Variants in MAP3K2 observed in about 807,000 individuals in gnomAD.
MAP3K2 encodes mitogen-activated protein kinase kinase kinase 2.
MAP3K2 carries 24 observed loss-of-function variants against 80.3 expected under a neutral mutation model. That is an observed-to-expected ratio of 0.30 (90% confidence interval 0.22 to 0.42). The LOEUF (loss-of-function observed/expected upper bound fraction) is 0.42, where lower values mean the gene tolerates loss of function less well. Ranked by LOEUF, MAP3K2 falls within the 10% of genes least tolerant of loss-of-function variation. The probability of loss-of-function intolerance (pLI) is 1.00; values close to 1 mark genes in which losing one functional copy is unlikely to be tolerated. For synonymous variants in MAP3K2, 244 were observed against 253.7 expected (o/e 0.96, Z 0.36); for missense variants, 608 against 750.1 (o/e 0.81, Z 2.21).
intron 2 of MAP3K2, among the ~76,000 whole-genome samples, chr2:127,342,558 T>A (rs1055647015): frequency 8.5e-5 from 13 of 152,142 alleles, no homozygotes; most frequent in African/African-American, 2.9e-4. Flanking sequence ...TTTTCTTGAT[T>A]TAGGATAGGG....
chr2:127,329,908 A>G lies in MAP3K2; in HGVS notation c.466+13T>C, dbSNP rs1402150855. 5 of 1,431,360 alleles carry G rather than the reference A, an allele frequency of 3.5e-6. No homozygotes were observed. In the African/African-American group the frequency reaches 7.0e-5, roughly 20 times the overall value. 88.7% of individuals were successfully genotyped at this position (1,431,360 alleles called of 1,614,324 possible). On this transcript the variant is annotated intron_variant, in intron 7 of 16. Transcript: ENST00000682094. ...AAATCATTCATTTCATAATTCAGAC[A>G]CTAGTTTCTTACCTATTATAGATAG...
At chr2:127,370,910 G>GC (rs1014468751) in intron 1 of MAP3K2, among the ~76,000 whole-genome samples, 2 of 152,142 alleles carry the variant, frequency 1.3e-5, no homozygotes, top group African/African-American at 4.8e-5. Flanking sequence ...TTTTGCCTGA[G>GC]CCCCCTCCTC....
chr2:127,381,765 G>A (rs1687249197), intron 1 of MAP3K2, among the ~76,000 whole-genome samples: 2 of 152,160 alleles, frequency 1.3e-5, no homozygotes, highest in Non-Finnish European at 1.5e-5. Flanking sequence ...CACAGTGTAC[G>A]TCTCCTAATG....
rs530667340 is a variant in MAP3K2 at position 127,305,324 on chromosome 2, G to A, written c.*2255C>T. On this transcript the variant is annotated 3_prime_UTR_variant, in exon 17 of 17. Transcript: ENST00000682094. ...AATTATAATAGATCCACACACTTGGGGATTCTTTCTAGAACAAAATTTGGC... is the reference window on the plus strand; with the variant it reads ...AATTATAATAGATCCACACACTTGGAGATTCTTTCTAGAACAAAATTTGGC... The A allele has an allele frequency of 2.6e-5, 4 of 152,296 alleles. No individual in the cohort carries two copies. In the South Asian group the frequency reaches 8.3e-4, roughly 32 times the overall value. 9.4% of individuals were successfully genotyped at this position (152,296 alleles called of 1,614,324 possible). A position where few individuals can be genotyped will look rare whatever the true frequency, so the allele number is the denominator to read the frequency against.
Position 127,380,868 on chromosome 2 carries a change from G to C in MAP3K2, c.-66+6584C>G, listed in dbSNP as rs547721738. Among the ~76,000 whole-genome samples the C allele has an allele frequency of 6.6e-5, 10 of 152,164 alleles. No individual in the cohort carries two copies. The South Asian group carries it at 1.9e-3, about 28-fold the overall frequency. On this transcript the variant is annotated intron_variant, in intron 1 of 16. Coordinates refer to ENST00000682094, the MANE Select transcript of MAP3K2 (RefSeq NM_001371910.2). ...GAGAATAAGAGGAAAGGTTTTTTAAGTTCAATTTTGTATTACATACATTTG... is the reference window on the plus strand; with the variant it reads ...GAGAATAAGAGGAAAGGTTTTTTAACTTCAATTTTGTATTACATACATTTG...
intron 1 of MAP3K2, among the ~76,000 whole-genome samples, chr2:127,372,629 C>T (rs1189558319): frequency 6.6e-6 from 1 of 152,120 alleles, no homozygotes; most frequent in East Asian, 1.9e-4. Flanking sequence ...CCCTGTTAAC[C>T]TTTGGGGACG....
At chr2:127,308,232 A>G (rs1459931244) in intron 16 of MAP3K2, among the ~76,000 whole-genome samples, 1 of 152,226 alleles carries the variant, frequency 6.6e-6, no homozygotes, top group African/African-American at 2.4e-5. Context: ...TAAAAGAATT[A>G]AAGATTAAAT....
At chr2:127,320,023 C>G (rs190843588) in intron 12 of MAP3K2, among the ~76,000 whole-genome samples, 33 of 152,288 alleles carry the variant, frequency 2.2e-4, no homozygotes, top group East Asian at 1.5e-3. Context: ...CAGTAACGGC[C>G]TAGCAGAAGA....
intron 12 of MAP3K2, among the ~76,000 whole-genome samples, 174 bp from the exon 13 acceptor site, chr2:127,318,491 C>T (rs1685952024): frequency 6.6e-6 from 1 of 152,204 alleles, no homozygotes; most frequent in African/African-American, 2.4e-5. Flanking sequence ...TCTCTTTCGT[C>T]AATTTTCTAC....
intron 14 of MAP3K2, 78 bp downstream of exon 14, chr2:127,317,551 C>T (rs1463950925): frequency 7.2e-6 from 9 of 1,247,182 alleles, no homozygotes; most frequent in Non-Finnish European, 9.8e-6. Flanking sequence ...ATTTTATAAT[C>T]TACGTTTTTG....
intron 8 of MAP3K2, 89 bp downstream of exon 8, chr2:127,326,598 T>TAC (rs1167063823): frequency 3.6e-5 from 32 of 895,796 alleles, no homozygotes; most frequent in South Asian, 8.4e-5. Flanking sequence ...GAAGAGATAA[T>TAC]ACACACACAC....
chr2:127,382,189 G>A lies in MAP3K2; in HGVS notation c.-66+5263C>T, dbSNP rs1446409082. Among the ~76,000 whole-genome samples the A allele has an allele frequency of 2.0e-5, 3 of 152,168 alleles. No individual in the cohort carries two copies. The South Asian group carries it at 6.2e-4, about 32-fold the overall frequency. On this transcript the variant is annotated intron_variant, in intron 1 of 16. Transcript: ENST00000682094. ...TGGATATATATTAGAGTATATGAAA[G>A]AAGTATCGCACCTAAGAAAAGTAAC... is the stretch of plus-strand genomic sequence containing the variant.
Position 127,322,159 on chromosome 2 carries a change from CT to C in MAP3K2, c.931del (p.Ser311ValfsTer16). 6.2e-7 allele frequency: 1 copy of C among 1,613,896 alleles called. No homozygotes were observed. Among genetic ancestry groups the C allele is most frequent in the Non-Finnish European group, 8.5e-7 (1 of 1,179,798 alleles). On this transcript the variant is annotated frameshift_variant, in exon 12 of 17. Transcript: ENST00000682094. LOFTEE classifies it high-confidence loss of function. This position sits in a 1 kb window ranked among gnomAD's most constrained non-coding sequence, Gnocchi z 4.2. Reference protein sequence around the residue: ...FSPTDHSLSTSSGSSIFTPEY... With the variant: ...FSPTDHSLSTXSGSSIFTPEY... ...TGGGGTAAAGATACTGCTTCCACTA[CT>C]AGTGCTTAAGGAATGATCAGTAGGA...
At chr2:127,330,266 TG>T in intron 6 of MAP3K2, 125 bp downstream of exon 6, 1 of 596,068 alleles carries the variant, frequency 1.7e-6, no homozygotes. Context: ...AATTAAAGGA[TG>T]TAAGTTTACA....
In MAP3K2 at chr2:127,387,749, G is replaced by A. The variant is rs1050892147; in HGVS notation, c.-363C>T. ...GCCGCTGCAACCCCGAGGCCCGCGG[G>A]AACTGGGCAGGAAAGGAGGAAGCCG... On this transcript the variant is annotated 5_prime_UTR_variant, in exon 1 of 17. Coordinates refer to ENST00000682094, the MANE Select transcript of MAP3K2 (RefSeq NM_001371910.2). 2.0e-6 allele frequency: 2 copies of A among 984,872 alleles called. No homozygotes were observed. The highest frequency in any genetic ancestry group is 1.7e-5 in the African/African-American group (1 of 57,170). 61.0% of individuals were successfully genotyped at this position (984,872 alleles called of 1,614,324 possible). A position where few individuals can be genotyped will look rare whatever the true frequency, so the allele number is the denominator to read the frequency against.
In MAP3K2 at chr2:127,300,071, T is replaced by A. The variant is rs1162741530; in HGVS notation, c.*7508A>T. 1 of 152,112 alleles carries A rather than the reference T, an allele frequency of 6.6e-6. No homozygotes were observed. The highest frequency in any genetic ancestry group is 2.4e-5 in the African/African-American group (1 of 41,446). The allele number at this position is 152,112 out of a possible 1,614,324, so 9.4% of individuals were successfully genotyped here. A position where few individuals can be genotyped will look rare whatever the true frequency, so the allele number is the denominator to read the frequency against. Reference sequence around the variant, plus strand: ...TTCTATTAATGTCGAACTCCTGAGTTCTTCAACAAAGAACCATAGATAAGT... The same window carrying A: ...TTCTATTAATGTCGAACTCCTGAGTACTTCAACAAAGAACCATAGATAAGT... On this transcript the variant is annotated 3_prime_UTR_variant, in exon 17 of 17. Transcript: ENST00000682094.
chr2:127,337,311 A>C (rs1034293279), intron 4 of MAP3K2, among the ~76,000 whole-genome samples: 10 of 152,158 alleles, frequency 6.6e-5, no homozygotes, highest in Non-Finnish European at 1.2e-4. Flanking sequence ...TTTCCTCAAC[A>C]TTACTAATGA....
intron 1 of MAP3K2, among the ~76,000 whole-genome samples, chr2:127,368,259 C>T (rs1022293153): frequency 2.6e-5 from 4 of 150,958 alleles, no homozygotes; most frequent in African/African-American, 9.8e-5. Flanking sequence ...AAGGCAGAGG[C>T]TGCAGTGAGC....
chr2:127,375,297 C>T lies in MAP3K2; in HGVS notation c.-66+12155G>A, dbSNP rs146968625. Among the ~76,000 whole-genome samples, 360 of 152,244 alleles carry T rather than the reference C, an allele frequency of 2.4e-3. 1 individual carries two copies. Among genetic ancestry groups the T allele is most frequent in the African/African-American group, 7.8e-3 (324 of 41,530 alleles). ...TGGCTTCATCAGACAACACAGGCCC[C>T]GGACAGGATGCTCAAGAAGACAAGT... On this transcript the variant is annotated intron_variant, in intron 1 of 16. Transcript: ENST00000682094.
Sources: gnomAD v4.1 joint callset for allele counts (sites outside exome capture counted in the v4.1 genomes callset) on GRCh38, gnomAD v4.1.1 for gene constraint, Gnocchi (gnomAD v3.1) non-coding constraint, MANE v1.5 for transcripts, NCBI Gene and HGNC (gene_info 2026-07-23, HGNC 2026-07-21) for gene names.